TBC1D22A: variants seen among roughly 807,000 people sequenced by gnomAD.
TBC1D22A encodes putative GTPase activator.
In TBC1D22A, 38 loss-of-function variants were observed where a neutral mutation model predicts 60.2. That is an observed-to-expected ratio of 0.63 (90% CI 0.49 to 0.83). TBC1D22A has a LOEUF of 0.83. Among genes scored for constraint, TBC1D22A ranks in the 40% least tolerant of loss-of-function variants. TBC1D22A has a pLI of 0.00. For missense variants in TBC1D22A, 628 were observed against 701.0 expected (o/e 0.90, Z 1.18); for synonymous variants, 302 against 281.7 (o/e 1.07, Z -0.72).
intron 11 of TBC1D22A, among the ~76,000 whole-genome samples, chr22:47,059,346 G>A (rs1167154394): frequency 6.6e-6 from 1 of 152,262 alleles, no homozygotes; most frequent in African/African-American, 2.4e-5. Flanking sequence ...GGTGCAGACA[G>A]GAGGGCGTTG....
At chr22:47,095,269 A>G (rs1404428045) in intron 11 of TBC1D22A, among the ~76,000 whole-genome samples, 1 of 152,260 alleles carries the variant, frequency 6.6e-6, no homozygotes, top group African/African-American at 2.4e-5. Context: ...TGTCATTTGA[A>G]TGGCCTCAAA....
At chr22:46,993,967 G>C (rs1445576939) in intron 9 of TBC1D22A, among the ~76,000 whole-genome samples, 1 of 152,186 alleles carries the variant, frequency 6.6e-6, no homozygotes, top group African/African-American at 2.4e-5. Flanking sequence ...GGGCGTCCCT[G>C]CTACAGCCTT....
At chr22:46,899,661 T>A (rs1159626177) in intron 7 of TBC1D22A, among the ~76,000 whole-genome samples, 1 of 152,204 alleles carries the variant, frequency 6.6e-6, no homozygotes, top group African/African-American at 2.4e-5. Flanking sequence ...TTTGACCTCA[T>A]GGTCCAAGGT....
chr22:46,951,690 A>T (rs2072912388), intron 8 of TBC1D22A, among the ~76,000 whole-genome samples: 1 of 152,242 alleles, frequency 6.6e-6, no homozygotes, highest in Non-Finnish European at 1.5e-5. Context: ...TGTCTCAGTG[A>T]TGACTGATGG....
chr22:47,119,090 A>G (rs2066177021), intron 12 of TBC1D22A, among the ~76,000 whole-genome samples: 1 of 152,170 alleles, frequency 6.6e-6, no homozygotes, highest in African/African-American at 2.4e-5. Context: ...CAGAGGTTGC[A>G]GTGAGCCGAG....
intron 4 of TBC1D22A, among the ~76,000 whole-genome samples, chr22:46,807,083 C>A (rs2085176981): frequency 6.6e-6 from 1 of 152,226 alleles, no homozygotes; most frequent in African/African-American, 2.4e-5. Context: ...ACAGGTGCAT[C>A]CTGTAGACAC....
At chr22:46,991,878 C>T (rs945253942) in intron 9 of TBC1D22A, among the ~76,000 whole-genome samples, 5 of 152,288 alleles carry the variant, frequency 3.3e-5, no homozygotes, top group Middle Eastern at 3.4e-3. Flanking sequence ...TCCCTCGGGC[C>T]GCCGGGGCTC....
chr22:47,111,449 C>A, intron 11 of TBC1D22A, 59 bp from the exon 12 acceptor site: 1 of 1,482,664 alleles, frequency 6.7e-7, no homozygotes. Context: ...GATAACCTCG[C>A]AGTGATGTTA....
chr22:47,045,392 C>A (rs1443503137), intron 11 of TBC1D22A, among the ~76,000 whole-genome samples: 1 of 152,116 alleles, frequency 6.6e-6, no homozygotes, highest in African/African-American at 2.4e-5. Flanking sequence ...CGTCCAGCTC[C>A]CTCCCGGAAG....
At chr22:46,890,693 T>C (rs2068349452) in intron 5 of TBC1D22A, among the ~76,000 whole-genome samples, 1 of 152,234 alleles carries the variant, frequency 6.6e-6, no homozygotes, top group Non-Finnish European at 1.5e-5. Context: ...TTGTGCTGCC[T>C]GGCCCTTTCT....
At chr22:47,044,620 G>C (rs892023903) in intron 11 of TBC1D22A, among the ~76,000 whole-genome samples, 10 of 152,298 alleles carry the variant, frequency 6.6e-5, no homozygotes, top group Non-Finnish European at 1.0e-4. Flanking sequence ...ATTTGAGGTC[G>C]TAAGCTTTCC....
rs568370830 is a variant in TBC1D22A at position 46,980,371 on chromosome 22, C to T, written c.1125+5972C>T. The stretch of plus-strand genomic sequence containing the variant: ...CTAATTTTTGTATTTTTAGTAGAGA[C>T]GGGGTTTCACCATGTTGGCCAGGAT... On this transcript the variant is annotated intron_variant, in intron 9 of 12. Coordinates refer to ENST00000337137, the MANE Select transcript of TBC1D22A (RefSeq NM_014346.5). 2.5e-4 allele frequency among the ~76,000 whole-genome samples: 38 copies of T among 152,224 alleles called. 1 individual carries two copies. The highest frequency in any genetic ancestry group is 8.9e-4 in the African/African-American group (37 of 41,512).
At chr22:46,820,521 A>G (rs991150691) in intron 4 of TBC1D22A, among the ~76,000 whole-genome samples, 1 of 152,214 alleles carries the variant, frequency 6.6e-6, no homozygotes. Context: ...CAAGTTATTC[A>G]ATTTCCATGA....
rs376866837 is a variant in TBC1D22A, at chr22:47,038,263, C to T, written c.1329+1065C>T. 7.9e-5 allele frequency among the ~76,000 whole-genome samples: 12 copies of T among 152,342 alleles called. No homozygotes were observed. In the East Asian group the frequency reaches 1.7e-3, roughly 22 times the overall value. On this transcript the variant is annotated intron_variant, in intron 11 of 12. Transcript: ENST00000337137. ...GCCAGGCTTTCTACCACAGTGAGCA[C>T]AGCCCTTCATCGGCTGCACGTTCAG...
intron 8 of TBC1D22A, among the ~76,000 whole-genome samples, chr22:46,973,327 G>A (rs770000543): frequency 6.6e-6 from 1 of 152,198 alleles, no homozygotes; most frequent in Non-Finnish European, 1.5e-5. Context: ...GCTGTTGTCC[G>A]GGGCTCAAGG....
intron 12 of TBC1D22A, among the ~76,000 whole-genome samples, chr22:47,153,824 A>G (rs928300342): frequency 2.0e-5 from 3 of 152,186 alleles, no homozygotes; most frequent in African/African-American, 7.2e-5. Context: ...CTGTCGCCAG[A>G]GATCAAGGTA....
intron 8 of TBC1D22A, among the ~76,000 whole-genome samples, chr22:46,941,211 A>G: frequency 8.2e-6 from 1 of 122,456 alleles, no homozygotes; most frequent in African/African-American, 3.3e-5. Flanking sequence ...ATATGTATAC[A>G]CACACACACA....
chr22:46,792,199 T>G (rs2084440765), intron 1 of TBC1D22A, among the ~76,000 whole-genome samples: 1 of 152,242 alleles, frequency 6.6e-6, no homozygotes, highest in Admixed American at 6.5e-5. Context: ...GTTCCTTCAT[T>G]GCACTCCCAG....
intron 11 of TBC1D22A, among the ~76,000 whole-genome samples, chr22:47,068,054 G>A (rs931880809): frequency 6.6e-6 from 1 of 152,282 alleles, no homozygotes; most frequent in Non-Finnish European, 1.5e-5. Flanking sequence ...CAGAGTCCGC[G>A]AAAGCGCTCG....
Sources: allele counts gnomAD v4.1 joint callset (sites outside exome capture counted in the v4.1 genomes callset), GRCh38; gene constraint gnomAD v4.1.1; transcripts MANE v1.5; gene names NCBI Gene and HGNC (gene_info 2026-07-23, HGNC 2026-07-21).